Variants in FUT9 observed in about 807,000 individuals in gnomAD.
The protein encoded by FUT9 is fucosyltransferase 9.
Under a neutral mutation model 29.7 loss-of-function variants are expected in FUT9, and 15 were observed. The ratio of observed to expected loss-of-function variants is 0.51; its 90% CI spans 0.34 to 0.78. FUT9 has a LOEUF of 0.78. Ranked by LOEUF, FUT9 falls within the 30% of genes least tolerant of loss-of-function variation. The probability of loss-of-function intolerance (pLI) is 0.01; values close to 1 mark genes in which losing one functional copy is unlikely to be tolerated. For synonymous variants in FUT9, 169 were observed against 153.7 expected (o/e 1.10, Z -0.74); for missense variants, 319 against 425.4 (o/e 0.75, Z 2.20).
rs144145470 is a variant in FUT9 at position 96,058,137 on chromosome 6, C to T, written c.-98+41925C>T. ...TTATTTCAGAGCTGAAAACACAAGG[C>T]ACTTTGCGTTGGGTGCAGTTCTATT... is the stretch of plus-strand genomic sequence containing the variant. On this transcript the variant is annotated intron_variant, in intron 1 of 2. Transcript: ENST00000302103. Among the ~76,000 whole-genome samples, 820 of 152,120 alleles carry T rather than the reference C, an allele frequency of 5.4e-3. 4 individuals carry two copies. The highest frequency in any genetic ancestry group is 0.019 in the African/African-American group (782 of 41,502).
chr6:96,184,648 G>T (rs1484538691), intron 2 of FUT9, among the ~76,000 whole-genome samples: 5 of 151,952 alleles, frequency 3.3e-5, no homozygotes, highest in African/African-American at 1.2e-4. Context: ...TTGATACATT[G>T]TGTCACTATT....
At chr6:96,178,849 C>T (rs1222786813) in intron 2 of FUT9, among the ~76,000 whole-genome samples, 1 of 151,802 alleles carries the variant, frequency 6.6e-6, no homozygotes, top group Non-Finnish European at 1.5e-5. Context: ...TGCACTGTGC[C>T]AATATTTGCT....
At chr6:96,152,796 A>G (rs1772702072) in intron 2 of FUT9, among the ~76,000 whole-genome samples, 1 of 152,220 alleles carries the variant, frequency 6.6e-6, no homozygotes, top group Admixed American at 6.5e-5. Flanking sequence ...TTCAGTTGAT[A>G]AAGTTGTAAA....
intron 1 of FUT9, among the ~76,000 whole-genome samples, chr6:96,106,647 A>C (rs1193892633): frequency 6.6e-6 from 1 of 152,216 alleles, no homozygotes; most frequent in Admixed American, 6.5e-5. Flanking sequence ...AGTGCATTGC[A>C]GTCTTTGGAA....
chr6:96,153,771 T>G (rs967085966), intron 2 of FUT9, among the ~76,000 whole-genome samples: 1 of 152,206 alleles, frequency 6.6e-6, no homozygotes, highest in Admixed American at 6.5e-5. Flanking sequence ...AGTTTTCAAT[T>G]ATGGATGCTA....
intron 2 of FUT9, among the ~76,000 whole-genome samples, chr6:96,179,243 G>T (rs1326813714): frequency 2.0e-5 from 3 of 151,902 alleles, no homozygotes; most frequent in African/African-American, 4.8e-5. Flanking sequence ...ATATTTATTT[G>T]TTCAATACAT....
intron 2 of FUT9, among the ~76,000 whole-genome samples, chr6:96,131,099 A>G (rs762395306): frequency 6.6e-6 from 1 of 152,110 alleles, no homozygotes; most frequent in African/African-American, 2.4e-5. Context: ...CCCTTTCTAA[A>G]TAAGTACTGC....
intron 1 of FUT9, chr6:96,036,612 A>G (rs1465353447): frequency 6.6e-6 from 1 of 151,984 alleles, no homozygotes; most frequent in African/African-American, 2.4e-5. Context: ...TAACTCAAAT[A>G]TAACATAATG....
In FUT9 at chr6:96,026,325, A is replaced by G. The variant is rs547526535; in HGVS notation, c.-98+10113A>G. On this transcript the variant is annotated intron_variant, in intron 1 of 2. Coordinates refer to ENST00000302103, the MANE Select transcript of FUT9 (RefSeq NM_006581.4). ...GTTATCTGAGATTGATGAACCTTTCACTAAGATAGAAAATAAGAAGGAAGC... is the reference window on the plus strand; with the variant it reads ...GTTATCTGAGATTGATGAACCTTTCGCTAAGATAGAAAATAAGAAGGAAGC... Among the ~76,000 whole-genome samples, 4 of 151,766 alleles carry G rather than the reference A, an allele frequency of 2.6e-5. No individual in the cohort carries two copies. The South Asian group carries it at 8.3e-4, about 31-fold the overall frequency.
At chr6:96,104,762 C>T (rs1236251506) in intron 1 of FUT9, among the ~76,000 whole-genome samples, 1 of 151,994 alleles carries the variant, frequency 6.6e-6, no homozygotes, top group Non-Finnish European at 1.5e-5. Flanking sequence ...GAATTCCTGA[C>T]CTCGTGATCT....
At position 96,159,057 on chromosome 6, in the gene FUT9, T is replaced by C. The variant is rs1372436452; in HGVS notation, c.-8-44091T>C. On this transcript the variant is annotated intron_variant, in intron 2 of 2. Transcript: ENST00000302103. ...GTTGAGGCCTTATCTAATTATCTTT[T>C]CTAATAATGCTTCTTCTATTAGTGA... Among the ~76,000 whole-genome samples the C allele has an allele frequency of 2.0e-5, 3 of 152,318 alleles. No homozygotes were observed. In the East Asian group the frequency reaches 5.8e-4, roughly 29 times the overall value.
intron 2 of FUT9, among the ~76,000 whole-genome samples, chr6:96,169,750 T>C (rs1773078455): frequency 6.6e-6 from 1 of 152,170 alleles, no homozygotes; most frequent in Non-Finnish European, 1.5e-5. Flanking sequence ...TTTACCAAAT[T>C]TCTCTCTTTT....
rs1773887971 is a variant in FUT9 at position 96,209,185 on chromosome 6, C to T, written c.*4950C>T. On this transcript the variant is annotated 3_prime_UTR_variant, in exon 3 of 3. Coordinates refer to ENST00000302103, the MANE Select transcript of FUT9 (RefSeq NM_006581.4). ...TTTCTTCTAGCACTATTACTCTTAT[C>T]TAAGATCGAAATTGATATATGCATG... 1 of 166,862 alleles carries T rather than the reference C, an allele frequency of 6.0e-6. No individual in the cohort carries two copies. Among genetic ancestry groups the T allele is most frequent in the Non-Finnish European group, 1.5e-5 (1 of 68,022 alleles). The allele number at this position is 166,862 out of a possible 1,614,324, so 10.3% of individuals were successfully genotyped here.
chr6:96,033,624 T>C (rs1358419884), intron 1 of FUT9, among the ~76,000 whole-genome samples: 1 of 151,688 alleles, frequency 6.6e-6, no homozygotes, highest in Non-Finnish European at 1.5e-5. Flanking sequence ...AAAAATTTTA[T>C]TGACATAGAC....
chr6:96,192,555 A>G (rs907421137), intron 2 of FUT9, among the ~76,000 whole-genome samples: 7 of 152,206 alleles, frequency 4.6e-5, no homozygotes, highest in African/African-American at 1.7e-4. Context: ...ATAAAAGAGG[A>G]CACAAACAAA....
intron 1 of FUT9, among the ~76,000 whole-genome samples, chr6:96,109,547 A>C (rs1026130229): frequency 6.6e-6 from 1 of 152,184 alleles, no homozygotes; most frequent in Non-Finnish European, 1.5e-5. Context: ...ATGATGACTC[A>C]ATGATGCATT....
intron 2 of FUT9, among the ~76,000 whole-genome samples, chr6:96,124,154 T>C (rs1240924324): frequency 5.1e-5 from 3 of 58,302 alleles, no homozygotes; most frequent in Non-Finnish European, 9.6e-5. Context: ...TTCTTTTTTC[T>C]TTTTTTTTTT....
At chr6:96,180,774 TTC>T (rs1367844639) in intron 2 of FUT9, among the ~76,000 whole-genome samples, 5 of 152,208 alleles carry the variant, frequency 3.3e-5, no homozygotes, top group African/African-American at 1.2e-4. Context: ...TCAGAATTTG[TTC>T]TTTTCTATGG....
intron 2 of FUT9, among the ~76,000 whole-genome samples, chr6:96,151,041 C>A (rs1772666097): frequency 6.6e-6 from 1 of 152,086 alleles, no homozygotes; most frequent in African/African-American, 2.4e-5. Flanking sequence ...TTTAGATTTG[C>A]AGATACCAAA....
Sources: allele counts gnomAD v4.1 joint callset (sites outside exome capture counted in the v4.1 genomes callset), GRCh38; gene constraint gnomAD v4.1.1; transcripts MANE v1.5; gene names NCBI Gene and HGNC (gene_info 2026-07-23, HGNC 2026-07-21).